Variants in PIGQ observed in about 807,000 individuals in gnomAD.
PIGQ encodes phosphatidylinositol N-acetylglucosaminyltransferase subunit Q.
Under a neutral mutation model 60.3 loss-of-function variants are expected in PIGQ, and 54 were observed. The ratio of observed to expected loss-of-function variants is 0.90; its 90% CI spans 0.72 to 1.12. The LOEUF is 1.12. Among genes scored for constraint, PIGQ ranks in the 50% most tolerant of loss-of-function variants. PIGQ has a pLI of 0.00. For missense variants in PIGQ, 799 were observed against 793.5 expected, an observed-to-expected ratio of 1.01 and a Z score of -0.08; for synonymous variants, 416 against 363.7, an observed-to-expected ratio of 1.14 and a Z score of -1.64.
At chr16:576,290 G>A (rs1348050104) in intron 4 of PIGQ, 36 bp downstream of exon 4, 2 of 1,543,316 alleles carry the variant, frequency 1.3e-6, no homozygotes, top group Admixed American at 2.0e-5. Flanking sequence ...TGTCCCGGGT[G>A]GGCGTGGGGA....
At chr16:571,624 G>A (rs1009896197) in intron 1 of PIGQ, among the ~76,000 whole-genome samples, 37 of 150,730 alleles carry the variant, frequency 2.5e-4, no homozygotes, top group Admixed American at 4.0e-4. Context: ...GTGTGTGTGT[G>A]TGTGTGTGTG....
rs761900881 is a variant in PIGQ, at chr16:574,711, TGCCTGCTGTTGGCCA to T, written c.647_661del (p.Leu216_Leu220del). ...GGCCAGGCGAGCCTCGGGACCCATT[TGCCTGCTGTTGGCCA>T]GCCTGCTGTCGCTGGTCTCAGCTGT... On this transcript the variant is annotated inframe_deletion, in exon 2 of 11. Coordinates refer to ENST00000321878, the MANE Select transcript of PIGQ (RefSeq NM_004204.5). 5 of 1,594,830 alleles carry T rather than the reference TGCCTGCTGTTGGCCA, an allele frequency of 3.1e-6. No individual in the cohort carries two copies. Among genetic ancestry groups the T allele is most frequent in the Non-Finnish European group, 4.3e-6 (5 of 1,174,382 alleles).
chr16:574,209 C>G lies in PIGQ; in HGVS notation c.135C>G (p.Val45=). The change falls in exon 2 of 11, where the codon GTC becomes GTG. Residue 45 remains valine, a synonymous_variant. Coordinates refer to ENST00000321878, the MANE Select transcript of PIGQ (RefSeq NM_004204.5). ...VLHFPFIPIQ[V]KQLLAQVRQA... ...ACTTTCCCTTCATCCCCATCCAGGT[C>G]AAGCAGCTCCTGGCCCAGGTGCGGC... 1 of 1,612,302 alleles carries G rather than the reference C, an allele frequency of 6.2e-7. No individual in the cohort carries two copies. The highest frequency in any genetic ancestry group is 1.1e-5 in the South Asian group (1 of 91,068).
In PIGQ at chr16:581,148, A is replaced by T; in HGVS notation, c.1531+176A>T. ...CCTAGTCCCAGAGGTCTGCAGGACC[A>T]GCTGCCTCCAGGGAGGTGGAGAGAG... On this transcript the variant is annotated intron_variant, in intron 9 of 10. Transcript: ENST00000321878. 2.1e-6 allele frequency: 3 copies of T among 1,462,830 alleles called. No homozygotes were observed. In the East Asian group the frequency reaches 7.6e-5, roughly 37 times the overall value. The allele number at this position is 1,462,830 out of a possible 1,614,324, so 90.6% of individuals were successfully genotyped here. A position where few individuals can be genotyped will look rare whatever the true frequency, so the allele number is the denominator to read the frequency against.
chr16:578,734 G>A (rs1567176575), intron 5 of PIGQ, 51 bp from the exon 6 acceptor site: 2 of 1,592,094 alleles, frequency 1.3e-6, no homozygotes, highest in Non-Finnish European at 8.6e-7. Flanking sequence ...GTTGTGCTGG[G>A]CCGAGGGCTG....
At chr16:581,011 G>C in intron 9 of PIGQ, 39 bp downstream of exon 9, 3 of 1,421,014 alleles carry the variant, frequency 2.1e-6, no homozygotes, top group Non-Finnish European at 3.0e-6. Context: ...CTGGGTAGGT[G>C]GAGGGGAACC....
intron 10 of PIGQ, 56 bp from the exon 11 acceptor site, chr16:582,827 T>A: frequency 4.6e-6 from 7 of 1,511,942 alleles, no homozygotes; most frequent in Middle Eastern, 2.4e-4. Context: ...ACCCTCTCTC[T>A]GCAGACGGGG....
intron 1 of PIGQ, among the ~76,000 whole-genome samples, chr16:571,686 C>T (rs962896334): frequency 6.6e-6 from 1 of 151,578 alleles, no homozygotes; most frequent in South Asian, 2.1e-4. Flanking sequence ...CCCATACCTC[C>T]TCTGCTATCG....
At chr16:570,368 G>A (rs915529767) in intron 1 of PIGQ, 2 of 152,290 alleles carry the variant, frequency 1.3e-5, no homozygotes, top group Non-Finnish European at 2.9e-5. Context: ...CAAATGAGAG[G>A]GGAAGGCCCT....
Position 583,182 on chromosome 16 carries a change from T to C in PIGQ, c.*147T>C. Reference sequence around the variant, plus strand: ...ACACGGCAGGCCCTGCTATCACACCTTGGGCTTGGAGGTCATTGGGAGTGA... The same window carrying C: ...ACACGGCAGGCCCTGCTATCACACCCTGGGCTTGGAGGTCATTGGGAGTGA... On this transcript the variant is annotated 3_prime_UTR_variant, in exon 11 of 11. Coordinates refer to ENST00000321878, the MANE Select transcript of PIGQ (RefSeq NM_004204.5). The C allele has an allele frequency of 6.2e-7, 1 of 1,613,270 alleles. No individual in the cohort carries two copies. Among genetic ancestry groups the C allele is most frequent in the Non-Finnish European group, 8.5e-7 (1 of 1,179,988 alleles).
At chr16:581,010 TG>T (rs1466460025) in intron 9 of PIGQ, 38 bp downstream of exon 9, 1 of 1,428,958 alleles carries the variant, frequency 7.0e-7, no homozygotes. Context: ...CCTGGGTAGG[TG>T]GAGGGGAACC....
rs2035740657 is a variant in PIGQ, at chr16:577,536, C to T, written c.943-843C>T. Among the ~76,000 whole-genome samples the T allele has an allele frequency of 5.9e-5, 9 of 151,440 alleles. No homozygotes were observed. In the South Asian group the frequency reaches 1.9e-3, roughly 32 times the overall value. On this transcript the variant is annotated intron_variant, in intron 4 of 10. Coordinates refer to ENST00000321878, the MANE Select transcript of PIGQ (RefSeq NM_004204.5). Reference sequence around the variant, plus strand: ...AGCTTGCAGTGAGCCGAGATCTCACCACTGCACTCCAGCCTGGGCGACAAA... The same window carrying T: ...AGCTTGCAGTGAGCCGAGATCTCACTACTGCACTCCAGCCTGGGCGACAAA...
Position 583,985 on chromosome 16 carries a change from C to T in PIGQ, c.*950C>T, listed in dbSNP as rs1026378535. 1.0e-5 allele frequency: 4 copies of T among 389,154 alleles called. No homozygotes were observed. Among genetic ancestry groups the T allele is most frequent in the South Asian group, 4.3e-5 (2 of 46,988 alleles). 24.1% of individuals were successfully genotyped at this position (389,154 alleles called of 1,614,324 possible). The stretch of plus-strand genomic sequence containing the variant: ...CAGGTGCCGGCTGGTGAGGGGATGA[C>T]GCGCTGTGGGTGGGAGGAGGCAGCG... On this transcript the variant is annotated 3_prime_UTR_variant, in exon 11 of 11. Transcript: ENST00000321878.
chr16:576,461 C>G, intron 4 of PIGQ: 1 of 635,994 alleles, frequency 1.6e-6, no homozygotes. Flanking sequence ...GTACACCCCC[C>G]TTTCCTTCTG....
rs544941071 is a variant in PIGQ, at chr16:574,567, G to A, written c.493G>A (p.Val165Ile). The A allele has an allele frequency of 1.2e-5, 19 of 1,602,944 alleles. No homozygotes were observed. In the Admixed American group the frequency reaches 1.5e-4, roughly 13 times the overall value. Reference sequence around the variant, plus strand: ...TGCCAGCACGGGGGGCCTGGCTGCCGTCTTCGACACGGTAGCACGCAGTGA... The same window carrying A: ...TGCCAGCACGGGGGGCCTGGCTGCCATCTTCGACACGGTAGCACGCAGTGA... ...TTASTGGLAA[V>I]FDTVARSEVL... The change falls in exon 2 of 11, where the codon GTC (valine) becomes ATC (isoleucine). Residue 165 changes from valine (V) to isoleucine (I), a missense_variant. By Grantham distance (29) the Val-to-Ile change is conservative. Transcript: ENST00000321878.
At chr16:580,114 G>T in intron 7 of PIGQ, 69 bp from the exon 8 acceptor site, 1 of 1,195,800 alleles carries the variant, frequency 8.4e-7, no homozygotes, top group Non-Finnish European at 1.2e-6. Flanking sequence ...GATGGGGGAG[G>T]GCACAGTGCT....
At chr16:576,418 G>A in intron 4 of PIGQ, 164 bp downstream of exon 4, 3 of 842,926 alleles carry the variant, frequency 3.6e-6, no homozygotes, top group Non-Finnish European at 5.4e-6. Flanking sequence ...GAACTCCAGG[G>A]GCGCTGGGGC....
At chr16:582,629 GT>G in intron 10 of PIGQ, 1 of 586,550 alleles carries the variant, frequency 1.7e-6, no homozygotes, top group Non-Finnish European at 3.0e-6. Context: ...CTGGGGTGGG[GT>G]GTGCGTCCCT....
chr16:579,081 G>A lies in PIGQ; in HGVS notation c.1236G>A (p.Leu412=). ...CTGCGTCCTGTAGGCTGTACTGCCT[G>A]AAGATCCATGGCCTGTCCTCACTGT... ...FYVYGARLYC[L]KIHGLSSLWR... is the part of the protein sequence containing the mutation. The change falls in exon 7 of 11, where the codon CTG becomes CTA. Residue 412 remains leucine (L), a synonymous_variant. Transcript: ENST00000321878. 1 of 1,612,544 alleles carries A rather than the reference G, an allele frequency of 6.2e-7. No homozygotes were observed. The highest frequency in any genetic ancestry group is 8.5e-7 in the Non-Finnish European group (1 of 1,179,684).
Sources: gnomAD v4.1 joint callset for allele counts (sites outside exome capture counted in the v4.1 genomes callset) on GRCh38, gnomAD v4.1.1 for gene constraint, MANE v1.5 for transcripts, NCBI Gene and HGNC (gene_info 2026-07-23, HGNC 2026-07-21) for gene names.